The following ESRRG variants were observed in gnomAD, a reference collection of about 807,000 sequenced individuals.
ESRRG encodes estrogen related receptor gamma, also known as estrogen-related receptor gamma.
A neutral mutation model predicts 44.0 loss-of-function variants in ESRRG; 13 were observed. That is an observed-to-expected ratio of 0.30 (90% CI 0.19 to 0.47). ESRRG has a LOEUF of 0.47. Ranked by LOEUF, ESRRG falls within the 20% of genes least tolerant of loss-of-function variation. The pLI is 1.00. For synonymous variants in ESRRG, 215 were observed against 214.6 expected (o/e 1.00, Z -0.02); for missense variants, 395 against 580.6 (o/e 0.68, Z 3.29).
intron 1 of ESRRG, among the ~76,000 whole-genome samples, chr1:217,038,960 C>T (rs1021166443): frequency 6.6e-6 from 1 of 152,162 alleles, no homozygotes; most frequent in Non-Finnish European, 1.5e-5. Flanking sequence ...ATGTCTTCTG[C>T]CAAATATCCT....
chr1:216,686,270 T>C (rs1054560583), intron 1 of ESRRG: 3 of 152,018 alleles, frequency 2.0e-5, no homozygotes, highest in Admixed American at 1.3e-4. Context: ...CTCTATCCTC[T>C]TTTTAAATAA....
intron 1 of ESRRG, among the ~76,000 whole-genome samples, chr1:216,698,518 CAAAAAAA>C (rs34454248): frequency 3.2e-4 from 24 of 73,916 alleles, no homozygotes; most frequent in Non-Finnish European, 5.1e-4. Context: ...GACTCAGTCT[CAAAAAAA>C]AAAAAAAAAA....
upstream of ESRRG, among the ~76,000 whole-genome samples, chr1:217,092,550 C>T (rs2092364625): frequency 6.6e-6 from 1 of 152,154 alleles, no homozygotes; most frequent in Admixed American, 6.5e-5. Flanking sequence ...ACCTACCTAC[C>T]TACCTATTCA....
intron 2 of ESRRG, among the ~76,000 whole-genome samples, chr1:216,890,200 G>C (rs1187737641): frequency 2.0e-5 from 3 of 152,130 alleles, no homozygotes; most frequent in Non-Finnish European, 4.4e-5. Flanking sequence ...AGAAGGTTGA[G>C]GCTACAATCA....
intron 3 of ESRRG, among the ~76,000 whole-genome samples, chr1:216,571,503 T>C (rs994809390): frequency 1.3e-5 from 2 of 152,090 alleles, no homozygotes; most frequent in Non-Finnish European, 2.9e-5. Flanking sequence ...TCAAATACAT[T>C]CCATTACTAT....
chr1:216,791,624 A>G (rs2094323549), intron 2 of ESRRG, among the ~76,000 whole-genome samples: 1 of 152,120 alleles, frequency 6.6e-6, no homozygotes, highest in South Asian at 2.1e-4. Context: ...CACACTCACA[A>G]TCACATTCTA....
At chr1:217,114,015 G>A (rs1385256186) in intron 1 of ESRRG, among the ~76,000 whole-genome samples, 2 of 151,550 alleles carry the variant, frequency 1.3e-5, no homozygotes, top group East Asian at 1.9e-4. Context: ...AAAAAAAAAA[G>A]GAAATTGGAC....
At chr1:216,909,020 C>A (rs2060012786) in intron 2 of ESRRG, among the ~76,000 whole-genome samples, 1 of 151,960 alleles carries the variant, frequency 6.6e-6, no homozygotes, top group South Asian at 2.1e-4. Context: ...CAGGCCAGAT[C>A]CTCACAAAGC....
intron 2 of ESRRG, among the ~76,000 whole-genome samples, chr1:216,658,874 A>T (rs1481394339): frequency 6.6e-5 from 6 of 90,448 alleles, no homozygotes; most frequent in Non-Finnish European, 1.2e-4. Flanking sequence ...AGAAGAGAAG[A>T]GAAGAGAAGA....
At chr1:216,766,623 AT>A (rs1162411534) in intron 2 of ESRRG, among the ~76,000 whole-genome samples, 2 of 152,064 alleles carry the variant, frequency 1.3e-5, no homozygotes, top group Non-Finnish European at 2.9e-5. Flanking sequence ...TCTGTACCTG[AT>A]TTAGTGGGAA....
chr1:216,737,765 G>A (rs540640147), intron 2 of ESRRG, among the ~76,000 whole-genome samples: 32 of 129,300 alleles, frequency 2.5e-4, no homozygotes, highest in African/African-American at 8.3e-4. Context: ...ACAACAATTA[G>A]CAAGAAGGGA....
At chr1:216,916,352 TG>T (rs2061166444) in intron 2 of ESRRG, among the ~76,000 whole-genome samples, 1 of 152,232 alleles carries the variant, frequency 6.6e-6, no homozygotes, top group Non-Finnish European at 1.5e-5. Flanking sequence ...CATGTGTGTA[TG>T]TGTGTGTTGA....
rs1039276228 is a variant in ESRRG at position 217,135,041 on chromosome 1, C to G, written c.-230+2626G>C. ...TCCCCGCTTTCCGCCCAGGGCGGTT[C>G]TGAGATTTTGATTAAGAGAGATCTG... On this transcript the variant is annotated intron_variant, in intron 1 of 8. Transcript: ENST00000366940. Among the ~76,000 whole-genome samples the G allele has an allele frequency of 3.9e-5, 6 of 152,314 alleles. No homozygotes were observed. In the South Asian group the frequency reaches 1.2e-3, roughly 32 times the overall value.
At chr1:216,616,171 A>T (rs760533473) in intron 3 of ESRRG, among the ~76,000 whole-genome samples, 1 of 152,108 alleles carries the variant, frequency 6.6e-6, no homozygotes, top group Non-Finnish European at 1.5e-5. Flanking sequence ...GGTCCACTGG[A>T]TCCTGGCTGT....
At chr1:216,562,560 C>T (rs1312155395) in intron 5 of ESRRG, among the ~76,000 whole-genome samples, 1 of 151,978 alleles carries the variant, frequency 6.6e-6, no homozygotes, top group Admixed American at 6.6e-5. Flanking sequence ...TTTTGTTTCT[C>T]ACAATTCAGG....
chr1:217,025,831 TC>T (rs1428143440), intron 1 of ESRRG, among the ~76,000 whole-genome samples: 3 of 152,214 alleles, frequency 2.0e-5, no homozygotes, highest in African/African-American at 7.2e-5. Flanking sequence ...TTGGAAAATA[TC>T]TAACATATGG....
At chr1:217,022,163 C>A (rs1230279096) in intron 1 of ESRRG, among the ~76,000 whole-genome samples, 1 of 152,200 alleles carries the variant, frequency 6.6e-6, no homozygotes, top group Non-Finnish European at 1.5e-5. Flanking sequence ...TTGTGCCCTG[C>A]CAAAGCCATT....
intron 1 of ESRRG, among the ~76,000 whole-genome samples, chr1:216,690,513 T>A (rs12131737): frequency 0.18 from 27,172 of 152,070 alleles, 3,130 homozygotes; most frequent in Middle Eastern, 0.27. Flanking sequence ...GAGAGGAACA[T>A]AGGGAAGCTG....
chr1:216,927,382 G>A (rs1276917745), intron 2 of ESRRG, among the ~76,000 whole-genome samples: 1 of 152,144 alleles, frequency 6.6e-6, no homozygotes, highest in Admixed American at 6.5e-5. Flanking sequence ...TGAAGGGCAA[G>A]GGTTAAGTAG....
Sources: gnomAD v4.1 joint callset for allele counts (sites outside exome capture counted in the v4.1 genomes callset) on GRCh38, gnomAD v4.1.1 for gene constraint, MANE v1.5 for transcripts, NCBI Gene and HGNC (gene_info 2026-07-23, HGNC 2026-07-21) for gene names.